The following AQR variants were observed in gnomAD, a reference collection of about 807,000 sequenced individuals.
The protein encoded by AQR is RNA helicase aquarius.
Under a neutral mutation model 180.5 loss-of-function variants are expected in AQR, and 61 were observed. That is an observed-to-expected ratio of 0.34 (90% CI 0.28 to 0.42). AQR has a LOEUF of 0.42. Among genes scored for constraint, AQR ranks in the 10% least tolerant of loss-of-function variants. AQR has a pLI of 1.00. For synonymous variants in AQR, 551 were observed against 588.8 expected (o/e 0.94, Z 0.93); for missense variants, 1,281 against 1,798.3 (o/e 0.71, Z 5.20).
rs187225286 is a variant in AQR, at chr15:34,862,796, G to T, written c.4029+71C>A. 6.7e-6 allele frequency: 10 copies of T among 1,502,752 alleles called. No individual in the cohort carries two copies. The East Asian group carries it at 2.3e-4, about 34-fold the overall frequency. The allele number at this position is 1,502,752 out of a possible 1,614,324, so 93.1% of individuals were successfully genotyped here. ...TATAATAATGTTCCAAGCTAATGTG[G>T]TCACCTATAAGAAAATCCCAATTTC... On this transcript the variant is annotated intron_variant, in intron 33 of 34. Transcript: ENST00000156471.
chr15:34,956,437 G>C (rs1294615802), intron 3 of AQR, among the ~76,000 whole-genome samples: 1 of 152,074 alleles, frequency 6.6e-6, no homozygotes, highest in Non-Finnish European at 1.5e-5. Flanking sequence ...GATCACCTGA[G>C]GTCAGGAGTT....
At chr15:34,897,847 C>T (rs1595790270) in intron 20 of AQR, 142 bp from the exon 21 acceptor site, 1 of 918,310 alleles carries the variant, frequency 1.1e-6, no homozygotes. Context: ...TATGTAAACT[C>T]TGAAAATGGT....
chr15:34,958,883 A>T (rs1414549916), intron 3 of AQR, among the ~76,000 whole-genome samples: 1 of 152,132 alleles, frequency 6.6e-6, no homozygotes, highest in Admixed American at 6.6e-5. Context: ...AATTTGCCTA[A>T]TTATTCTGAA....
At chr15:34,875,265 C>T (rs779868950) in intron 28 of AQR, among the ~76,000 whole-genome samples, 2 of 152,106 alleles carry the variant, frequency 1.3e-5, no homozygotes, top group Non-Finnish European at 2.9e-5. Context: ...CAATTCTGAA[C>T]CCACCAAAGC....
intron 2 of AQR, among the ~76,000 whole-genome samples, chr15:34,963,716 T>C (rs1050673184): frequency 1.3e-5 from 2 of 149,964 alleles, no homozygotes; most frequent in South Asian, 2.1e-4. Flanking sequence ...CAGGCTGGAG[T>C]GCAGTGGTGC....
chr15:34,942,440 T>C (rs1894038390), intron 6 of AQR, among the ~76,000 whole-genome samples: 1 of 152,222 alleles, frequency 6.6e-6, no homozygotes, highest in Non-Finnish European at 1.5e-5. Context: ...TCTCATACTG[T>C]AAGAAACAAG....
chr15:34,944,613 T>C (rs1021789377), intron 5 of AQR, among the ~76,000 whole-genome samples, 185 bp from the exon 6 acceptor site: 4 of 152,218 alleles, frequency 2.6e-5, no homozygotes, highest in Admixed American at 6.5e-5. Context: ...TACAGGTTTC[T>C]GACAGGACTA....
intron 9 of AQR, among the ~76,000 whole-genome samples, chr15:34,935,023 C>A (rs1893924768): frequency 6.6e-6 from 1 of 152,108 alleles, no homozygotes; most frequent in Non-Finnish European, 1.5e-5. Flanking sequence ...TCTTTACATT[C>A]TAAACTTCTG....
intron 8 of AQR, among the ~76,000 whole-genome samples, chr15:34,940,430 G>A (rs1167674139): frequency 2.0e-5 from 3 of 152,144 alleles, no homozygotes; most frequent in South Asian, 4.1e-4. Context: ...CTCAGAGGCT[G>A]GGGCAAGAGA....
At chr15:34,956,028 TATA>T (rs1418556213) in intron 3 of AQR, among the ~76,000 whole-genome samples, 1 of 152,084 alleles carries the variant, frequency 6.6e-6, no homozygotes, top group African/African-American at 2.4e-5. Context: ...ACTTACATAT[TATA>T]ATGATAAAAA....
At chr15:34,962,516 C>A (rs2050285585) in intron 2 of AQR, among the ~76,000 whole-genome samples, 1 of 152,036 alleles carries the variant, frequency 6.6e-6, no homozygotes, top group Non-Finnish European at 1.5e-5. Context: ...AGCCTGTAAT[C>A]CCACCACTTT....
Position 34,884,784 on chromosome 15 carries a change from A to G in AQR, c.2818-50T>C, listed in dbSNP as rs1339954325. The G allele has an allele frequency of 1.7e-5, 23 of 1,376,900 alleles. No homozygotes were observed. In the East Asian group the frequency reaches 4.7e-4, roughly 28 times the overall value. 85.3% of individuals were successfully genotyped at this position (1,376,900 alleles called of 1,614,324 possible). On this transcript the variant is annotated intron_variant, in intron 25 of 34. Coordinates refer to ENST00000156471, the MANE Select transcript of AQR (RefSeq NM_014691.3). ...AACTGCCAGCTAATTATGATGTTTTAAAGCATAAAATGAATAAATCTTATA... is the reference window on the plus strand; with the variant it reads ...AACTGCCAGCTAATTATGATGTTTTGAAGCATAAAATGAATAAATCTTATA...
At chr15:34,890,616 TAAAC>T (rs1292766213) in intron 23 of AQR, among the ~76,000 whole-genome samples, 1 of 152,136 alleles carries the variant, frequency 6.6e-6, no homozygotes, top group Non-Finnish European at 1.5e-5. Context: ...ACTCCTAAAA[TAAAC>T]AACCACACTG....
chr15:34,950,944 C>A (rs999328646), intron 4 of AQR, among the ~76,000 whole-genome samples: 1 of 152,130 alleles, frequency 6.6e-6, no homozygotes, highest in African/African-American at 2.4e-5. Context: ...TCTGACTACA[C>A]AGCAAATTCC....
Position 34,920,374 on chromosome 15 carries a change from A to C in AQR, c.1179T>G (p.Asn393Lys). The change falls in exon 14 of 35, where the codon AAT becomes AAG. Residue 393 changes from asparagine to lysine, a missense_variant. Asn to Lys is a moderately conservative substitution (Grantham distance 94). Coordinates refer to ENST00000156471, the MANE Select transcript of AQR (RefSeq NM_014691.3). ...YLCLLPTLPK[N>K]EDTTFDKEFL... is the part of the protein sequence containing the mutation. ...ATTCTTTATCAAAAGTTGTGTCTTCATTTTTAGGAAGAGTTGGCAACAAGC... is the reference window on the plus strand; with the variant it reads ...ATTCTTTATCAAAAGTTGTGTCTTCCTTTTTAGGAAGAGTTGGCAACAAGC... The C allele has an allele frequency of 6.2e-7, 1 of 1,613,634 alleles. No homozygotes were observed. The highest frequency in any genetic ancestry group is 8.5e-7 in the Non-Finnish European group (1 of 1,179,772).
intron 32 of AQR, among the ~76,000 whole-genome samples, chr15:34,863,856 T>C (rs572112307): frequency 5.3e-5 from 8 of 152,278 alleles, no homozygotes; most frequent in South Asian, 2.1e-4. Context: ...TGTGTTTTAG[T>C]GAGAAAAAAT....
At chr15:34,948,204 C>A (rs1452754398) in intron 5 of AQR, 60 bp downstream of exon 5, 5 of 1,563,112 alleles carry the variant, frequency 3.2e-6, no homozygotes, top group Admixed American at 1.9e-5. Context: ...AAAGTTCTGC[C>A]ACTTTGTAAT....
intron 2 of AQR, among the ~76,000 whole-genome samples, chr15:34,962,795 T>C (rs1044233863): frequency 2.6e-5 from 4 of 151,930 alleles, no homozygotes; most frequent in African/African-American, 7.3e-5. Flanking sequence ...AATAAAAGAT[T>C]ACTGGCAAAA....
chr15:34,953,984 G>A (rs184292024), intron 3 of AQR, among the ~76,000 whole-genome samples: 14 of 152,034 alleles, frequency 9.2e-5, no homozygotes, highest in South Asian at 4.2e-4. Flanking sequence ...GCACGATCTC[G>A]GTACACTGCA....
Sources: allele counts gnomAD v4.1 joint callset (sites outside exome capture counted in the v4.1 genomes callset), GRCh38; gene constraint gnomAD v4.1.1; transcripts MANE v1.5; gene names NCBI Gene and HGNC (gene_info 2026-07-23, HGNC 2026-07-21).